RNF40: variants seen among roughly 807,000 people sequenced by gnomAD.
RNF40 encodes the protein E3 ubiquitin-protein ligase BRE1B.
Under a neutral mutation model 123.3 loss-of-function variants are expected in RNF40, and 39 were observed. The ratio of observed to expected loss-of-function variants is 0.32; its 90% CI spans 0.24 to 0.41. The LOEUF (loss-of-function observed/expected upper bound fraction) is 0.41, where lower values mean the gene tolerates loss of function less well. RNF40 is among the 10% of genes least tolerant of loss of function. The pLI is 1.00. For synonymous variants in RNF40, 538 were observed against 526.0 expected (o/e 1.02, Z -0.31); for missense variants, 1,003 against 1,319.9 (o/e 0.76, Z 3.72).
chr16:30,773,238 G>A (rs1446703582), intron 19 of RNF40, among the ~76,000 whole-genome samples: 1 of 152,202 alleles, frequency 6.6e-6, no homozygotes, highest in Non-Finnish European at 1.5e-5. Flanking sequence ...GAGCCTTGAA[G>A]GGCAGAGGCA....
chr16:30,775,561 G>C lies in RNF40; in HGVS notation c.*1447G>C, dbSNP rs2151338072. ...GGATCCTGCGGACCGCTTCTCAGCG[G>C]CTTCACCCCCACACCACTCGAATGC... On this transcript the variant is annotated 3_prime_UTR_variant, in exon 20 of 20. Transcript: ENST00000324685. 6.1e-6 allele frequency: 1 copy of C among 164,040 alleles called. No individual in the cohort carries two copies. Among genetic ancestry groups the C allele is most frequent in the Non-Finnish European group, 1.3e-5 (1 of 74,920 alleles). 10.2% of individuals were successfully genotyped at this position (164,040 alleles called of 1,614,324 possible). A position where few individuals can be genotyped will look rare whatever the true frequency, so the allele number is the denominator to read the frequency against.
intron 5 of RNF40, 42 bp from the exon 6 acceptor site, chr16:30,764,896 A>G (rs752949031): frequency 2.5e-6 from 4 of 1,592,550 alleles, no homozygotes; most frequent in Non-Finnish European, 1.7e-6. Context: ...TGTTTGCCCC[A>G]TTGCCCTGAG....
chr16:30,766,384 C>G lies in RNF40; in HGVS notation c.1119C>G (p.Ala373=). 2 of 1,612,642 alleles carry G rather than the reference C, an allele frequency of 1.2e-6. No homozygotes were observed. The highest frequency in any genetic ancestry group is 1.7e-6 in the Non-Finnish European group (2 of 1,178,954). ...AVRTNERLKV[A]LRSLPEEVVR... ...TTTGGGCATCCCTGCCCCAGGTGGC[C>G]CTGCGGAGCCTTCCTGAGGAGGTAG... Residue 373 remains alanine, a synonymous_variant, in exon 10 of 20, where the codon GCC becomes GCG. Transcript: ENST00000324685. The surrounding 1 kb of genome is among the most constrained non-coding windows in gnomAD (Gnocchi z 5.4).
chr16:30,773,808 C>T (rs768865369), intron 19 of RNF40, 130 bp from the exon 20 acceptor site: 13 of 922,628 alleles, frequency 1.4e-5, no homozygotes, highest in Middle Eastern at 4.6e-4. Context: ...CTCGTCCTTA[C>T]CTCCAGGGTT....
At chr16:30,769,014 C>T (rs374554286) in intron 15 of RNF40, 27 bp downstream of exon 15, 550 of 1,613,406 alleles carry the variant, frequency 3.4e-4, no homozygotes, top group Non-Finnish European at 4.4e-4. Context: ...GCCCTCGCGT[C>T]GGAGCGCAGG....
chr16:30,765,187 G>A lies in RNF40; in HGVS notation c.778G>A (p.Glu260Lys), dbSNP rs2054005700. 3 of 1,614,036 alleles carry A rather than the reference G, an allele frequency of 1.9e-6. No homozygotes were observed. Among genetic ancestry groups the A allele is most frequent in the Admixed American group, 1.7e-5 (1 of 59,994 alleles). The part of the protein sequence containing the change: ...KHHRISLEYS[E>K]LQDKVTSAET... ...GCTCCCTCATTGTTCCCAGTACTCC[G>A]AGCTCCAGGATAAAGTGACATCGGC... The change falls in exon 7 of 20, where the codon GAG becomes AAG. Residue 260 changes from glutamate to lysine, a missense_variant. Physicochemically the swap from Glu to Lys is moderately conservative, Grantham distance 56. Coordinates refer to ENST00000324685, the MANE Select transcript of RNF40 (RefSeq NM_014771.4).
Position 30,766,495 on chromosome 16 carries a change from C to G in RNF40, c.1230C>G (p.Asp410Glu). ...CTCTGCAAGTGAAGACCCAGCTAGA[C>G]GAGGCTCGGGGCCTGCTGCTGGCCA... ...NESLQVKTQL[D>E]EARGLLLATK... The change falls in exon 10 of 20, where the codon GAC (aspartate) becomes GAG (glutamate). Residue 410 changes from aspartate to glutamate, a missense_variant. Physicochemically the swap from Asp to Glu is conservative, Grantham distance 45 (BLOSUM62 2). This residue lies in a region of RNF40 where 274 missense variants were observed against 356.9 expected (regional missense o/e 0.77). Transcript: ENST00000324685. The surrounding 1 kb of genome is among the most constrained non-coding windows in gnomAD (Gnocchi z 5.4). 1 of 1,613,614 alleles carries G rather than the reference C, an allele frequency of 6.2e-7. No individual in the cohort carries two copies. Among genetic ancestry groups the G allele is most frequent in the Non-Finnish European group, 8.5e-7 (1 of 1,179,980 alleles).
chr16:30,766,531 C>T lies in RNF40; in HGVS notation c.1266C>T (p.Ser422=). The part of the protein sequence containing the change: ...ARGLLLATKN[S]HLRHIEHMES... ...GCCTGCTGCTGGCCACAAAGAACTC[C>T]CACCTGCGACACATCGAGCACATGG... The change falls in exon 10 of 20, where the codon TCC becomes TCT. Residue 422 remains serine (S), a synonymous_variant. Transcript: ENST00000324685. The surrounding 1 kb of genome is among the most constrained non-coding windows in gnomAD (Gnocchi z 5.4). The T allele has an allele frequency of 2.5e-6, 4 of 1,612,126 alleles. No homozygotes were observed. The highest frequency in any genetic ancestry group is 3.4e-6 in the Non-Finnish European group (4 of 1,179,108).
chr16:30,765,456 C>G lies in RNF40; in HGVS notation c.950C>G (p.Ser317Cys), dbSNP rs745948112. The G allele has an allele frequency of 6.2e-7, 1 of 1,614,010 alleles. No homozygotes were observed. The highest frequency in any genetic ancestry group is 8.5e-7 in the Non-Finnish European group (1 of 1,180,042). Residue 317 changes from serine (S) to cysteine (C), a missense_variant, in exon 8 of 20, where the codon TCC becomes TGC. Ser to Cys is a moderately radical substitution (Grantham distance 112). Coordinates refer to ENST00000324685, the MANE Select transcript of RNF40 (RefSeq NM_014771.4). The stretch of plus-strand genomic sequence containing the variant: ...TCTGGCTACTATGTATCTGGGAGCT[C>G]CTCAGGCTTCCAGGGGGGCCAGATC... ...LNSGYYVSGSSSGFQGGQITL... is the reference protein window; with the variant it reads ...LNSGYYVSGSCSGFQGGQITL...
At chr16:30,762,104 G>A, upstream of RNF40, 3 of 372,472 alleles carry the variant, frequency 8.1e-6, no homozygotes, top group Admixed American at 4.5e-5. Flanking sequence ...TGGGAGCGCG[G>A]TGTCAGTTAC....
chr16:30,771,788 C>T, intron 17 of RNF40, 45 bp from the exon 18 acceptor site: 3 of 1,514,942 alleles, frequency 2.0e-6, no homozygotes, highest in Non-Finnish European at 2.7e-6. Flanking sequence ...ATGCCTGAGT[C>T]ACCAGGCTCA....
At chr16:30,765,366 G>A (rs1567283293) in intron 7 of RNF40, 39 bp downstream of exon 7, 1 of 1,614,090 alleles carries the variant, frequency 6.2e-7, no homozygotes, top group East Asian at 2.2e-5. Context: ...GCAAGGCTGG[G>A]CCCTTGGGCC....
chr16:30,762,779 A>T (rs1056484060), intron 2 of RNF40, 102 bp downstream of exon 2: 4 of 1,458,920 alleles, frequency 2.7e-6, no homozygotes, highest in Non-Finnish European at 3.7e-6. Flanking sequence ...CAAGTTTAGC[A>T]AGGTCCGCGT....
chr16:30,763,704 C>T, intron 4 of RNF40, 145 bp downstream of exon 4: 1 of 818,868 alleles, frequency 1.2e-6, no homozygotes, highest in Non-Finnish European at 1.9e-6. Context: ...AAGTGCAGTG[C>T]ACAAAAACAC....
upstream of RNF40, chr16:30,761,860 C>G: frequency 9.4e-7 from 1 of 1,067,162 alleles, no homozygotes; most frequent in Non-Finnish European, 1.3e-6. Flanking sequence ...CTCGCTCCGG[C>G]CAATCTACGC....
intron 8 of RNF40, 86 bp downstream of exon 8, chr16:30,765,585 C>T (rs1376621609): frequency 1.6e-6 from 2 of 1,245,470 alleles, no homozygotes; most frequent in Non-Finnish European, 2.3e-6. Flanking sequence ...GGACAAACAT[C>T]CATCTCTGAG....
At chr16:30,773,801 G>A (rs2054187624) in intron 19 of RNF40, 137 bp from the exon 20 acceptor site, 7 of 859,562 alleles carry the variant, frequency 8.1e-6, no homozygotes, top group Admixed American at 7.1e-5. Context: ...TAGAGTGCTC[G>A]TCCTTACCTC....
rs2053943330 is a variant in RNF40 at position 30,763,554 on chromosome 16, T to C, written c.437T>C (p.Leu146Pro). ...TPLPEPGTSE[L>P]RDPLLMQLRP... Reference sequence around the variant, plus strand: ...CTCCCAGAGCCGGGGACATCAGAGCTGAGAGGTAGGACCAGAGTGCTGGGA... The same window carrying C: ...CTCCCAGAGCCGGGGACATCAGAGCCGAGAGGTAGGACCAGAGTGCTGGGA... Residue 146 changes from leucine (L) to proline (P), a missense_variant, in exon 4 of 20, where the codon CTG becomes CCG. By Grantham distance (98) the Leu-to-Pro change is moderately conservative (BLOSUM62 -3). Around this residue, in one of 11 missense-constraint regions of RNF40, gnomAD observed 104 missense variants for 85.2 expected, o/e 1.22. Transcript: ENST00000324685. 1 of 1,613,924 alleles carries C rather than the reference T, an allele frequency of 6.2e-7. No individual in the cohort carries two copies. The highest frequency in any genetic ancestry group is 8.5e-7 in the Non-Finnish European group (1 of 1,179,928).
chr16:30,764,929 C>A lies in RNF40; in HGVS notation c.650-9C>A. 1 of 1,609,798 alleles carries A rather than the reference C, an allele frequency of 6.2e-7. No individual in the cohort carries two copies. The highest frequency in any genetic ancestry group is 8.5e-7 in the Non-Finnish European group (1 of 1,178,820). ...GAGCTGGGCTCTTACCTGGGCCCTGCCTTCCCAGGGGACAGTGAGCCCCTC... is the reference window on the plus strand; with the variant it reads ...GAGCTGGGCTCTTACCTGGGCCCTGACTTCCCAGGGGACAGTGAGCCCCTC... On this transcript the variant is annotated splice_polypyrimidine_tract_variant and intron_variant, in intron 5 of 19. Coordinates refer to ENST00000324685, the MANE Select transcript of RNF40 (RefSeq NM_014771.4).
Sources: allele counts gnomAD v4.1 joint callset (sites outside exome capture counted in the v4.1 genomes callset), GRCh38; gene constraint gnomAD v4.1.1; regional missense constraint gnomAD v4.1.1; non-coding constraint Gnocchi (gnomAD v3.1); transcripts MANE v1.5; gene names NCBI Gene and HGNC (gene_info 2026-07-23, HGNC 2026-07-21).